Variants in BMS1 observed in about 807,000 individuals in gnomAD.
BMS1 encodes BMS1 ribosome biogenesis factor, also known as ribosome biogenesis protein BMS1 homolog.
A neutral mutation model predicts 138.7 loss-of-function variants in BMS1; 53 were observed. That is an observed-to-expected ratio of 0.38 (90% CI 0.31 to 0.48). The LOEUF (loss-of-function observed/expected upper bound fraction) is 0.48. Among genes scored for constraint, BMS1 ranks in the 20% least tolerant of loss-of-function variants. The pLI is 0.97. For missense variants in BMS1, 1,360 were observed against 1,565.5 expected (o/e 0.87, Z 2.22); for synonymous variants, 504 against 539.9 (o/e 0.93, Z 0.92).
chr10:42,799,241 C>G (rs1034044187), intron 12 of BMS1, among the ~76,000 whole-genome samples: 2 of 152,166 alleles, frequency 1.3e-5, no homozygotes, highest in African/African-American at 2.4e-5. Flanking sequence ...TCCAGAGTAG[C>G]TGGGACTATA....
At chr10:42,826,141 T>G (rs1842632508) in intron 21 of BMS1, among the ~76,000 whole-genome samples, 1 of 152,166 alleles carries the variant, frequency 6.6e-6, no homozygotes, top group Admixed American at 6.5e-5. Context: ...GTATAAAGTT[T>G]TTGATGTGTT....
intron 13 of BMS1, among the ~76,000 whole-genome samples, chr10:42,814,192 C>T (rs1274477416): frequency 6.6e-6 from 1 of 152,232 alleles, no homozygotes; most frequent in Non-Finnish European, 1.5e-5. Context: ...GCTTTTGCAG[C>T]TCTGGTCTCC....
At chr10:42,797,575 A>G in intron 11 of BMS1, 52 bp downstream of exon 11, 3 of 1,550,528 alleles carry the variant, frequency 1.9e-6, no homozygotes, top group South Asian at 1.1e-5. Context: ...CTGATTATTT[A>G]GATGAGGGAA....
At chr10:42,828,551 C>T (rs1448531416) in intron 21 of BMS1, among the ~76,000 whole-genome samples, 3 of 151,764 alleles carry the variant, frequency 2.0e-5, no homozygotes, top group African/African-American at 7.3e-5. Context: ...TGGCCTCCAC[C>T]ACCAGCAGCA....
Position 42,830,943 on chromosome 10 carries a change from C to T in BMS1, c.3696C>T (p.His1232=). 6.2e-7 allele frequency: 1 copy of T among 1,611,192 alleles called. No homozygotes were observed. The highest frequency in any genetic ancestry group is 8.5e-7 in the Non-Finnish European group (1 of 1,178,764). The change falls in exon 23 of 23, where the codon CAC becomes CAT. Residue 1232 remains histidine (H), a synonymous_variant. Coordinates refer to ENST00000374518, the MANE Select transcript of BMS1 (RefSeq NM_014753.4). ...AGGCCAAGGAGCAGCGGCACCTGCA[C>T]AATAAAGAGCACTTCAGAGCCAAGC... is the stretch of plus-strand genomic sequence containing the variant. The part of the protein sequence containing the change: ...MKKAKEQRHL[H]NKEHFRAKQK...
In BMS1 at chr10:42,797,531, A is replaced by T. The variant is rs1339179155; in HGVS notation, c.2089+8A>T. 1.2e-6 allele frequency: 2 copies of T among 1,612,790 alleles called. No homozygotes were observed. Among genetic ancestry groups the T allele is most frequent in the Non-Finnish European group, 1.7e-6 (2 of 1,178,804 alleles). On this transcript the variant is annotated splice_region_variant and intron_variant, in intron 11 of 22. Transcript: ENST00000374518. The stretch of plus-strand genomic sequence containing the variant: ...AGCTTATTTATGGGACAGGTAAAGA[A>T]TTCTGGTTCAGAACTAGAAATGTTT...
intron 20 of BMS1, 124 bp downstream of exon 20, chr10:42,823,389 G>C (rs1346513110): frequency 1.5e-6 from 2 of 1,321,996 alleles, no homozygotes; most frequent in Non-Finnish European, 2.0e-6. Flanking sequence ...AGATCTCCCA[G>C]TCTTATGGGT....
intron 3 of BMS1, 116 bp downstream of exon 3, chr10:42,785,788 T>A: frequency 2.6e-6 from 3 of 1,161,934 alleles, no homozygotes; most frequent in Non-Finnish European, 3.7e-6. Context: ...TCATGGGACT[T>A]CTCTTATACT....
intron 13 of BMS1, among the ~76,000 whole-genome samples, chr10:42,805,893 AGGTT>A (rs1469323822): frequency 6.6e-6 from 1 of 152,046 alleles, no homozygotes; most frequent in Non-Finnish European, 1.5e-5. Flanking sequence ...TCTGCCTTCC[AGGTT>A]CAAGCAATTC....
intron 14 of BMS1, among the ~76,000 whole-genome samples, chr10:42,817,110 C>T (rs1842371540): frequency 6.6e-6 from 1 of 152,258 alleles, no homozygotes; most frequent in Middle Eastern, 3.4e-3. Context: ...TAAGGATTAG[C>T]AGCTAATTGT....
chr10:42,831,094 T>C lies in BMS1; in HGVS notation c.3847T>C (p.Ter1283ArgextTer14), dbSNP rs777347562. 4.3e-5 allele frequency: 67 copies of C among 1,559,620 alleles called. No individual in the cohort carries two copies. Among genetic ancestry groups the C allele is most frequent in the South Asian group, 1.1e-4 (9 of 84,700 alleles). ...SLKGAEGQLQ* is the reference protein window; with the variant it reads ...SLKGAEGQLQR ...GAAGGGGGCTGAGGGCCAATTGCAG[T>C]GAGCCTTTGGACTGGAGGGACTGTC... is the stretch of plus-strand genomic sequence containing the variant. Residue 1283 changes from the stop codon to arginine, a stop_lost, in exon 23 of 23, where the codon TGA becomes CGA. Transcript: ENST00000374518.
Position 42,792,669 on chromosome 10 carries a change from T to C in BMS1, c.901+55T>C. ...TTACACATAGGATTCTTGGGATGGC[T>C]TCATTTCTCAGGAAAACTGAAAAAT... is the stretch of plus-strand genomic sequence containing the variant. On this transcript the variant is annotated intron_variant, in intron 7 of 22. Coordinates refer to ENST00000374518, the MANE Select transcript of BMS1 (RefSeq NM_014753.4). The C allele has an allele frequency of 1.9e-6, 3 of 1,559,736 alleles. No homozygotes were observed. In the South Asian group the frequency reaches 3.6e-5, roughly 19 times the overall value.
Position 42,797,293 on chromosome 10 carries a change from A to G in BMS1, c.1987+62A>G. The G allele has an allele frequency of 8.9e-6, 14 of 1,577,744 alleles. 1 individual carries two copies. The South Asian group carries it at 1.6e-4, about 18-fold the overall frequency. On this transcript the variant is annotated intron_variant, in intron 10 of 22. Coordinates refer to ENST00000374518, the MANE Select transcript of BMS1 (RefSeq NM_014753.4). ...GGCTCTCGAAATGGTAACCAAAGGA[A>G]TGTCTACATTTAGGGGTCTGTTGAT...
At chr10:42,789,280 A>G (rs1841431984) in intron 4 of BMS1, among the ~76,000 whole-genome samples, 1 of 152,206 alleles carries the variant, frequency 6.6e-6, no homozygotes, top group South Asian at 2.1e-4. Flanking sequence ...AGTGTTGCTG[A>G]AAAGCTGTGC....
intron 13 of BMS1, among the ~76,000 whole-genome samples, chr10:42,810,897 G>A (rs572979621): frequency 9.9e-5 from 15 of 152,136 alleles, no homozygotes; most frequent in Admixed American, 2.0e-4. Context: ...TATTCGTGAT[G>A]TTGTTGGTTT....
intron 13 of BMS1, among the ~76,000 whole-genome samples, chr10:42,807,034 T>C (rs958759366): frequency 5.3e-5 from 8 of 152,246 alleles, no homozygotes; most frequent in Middle Eastern, 3.4e-3. Flanking sequence ...CAGTTTCACT[T>C]ATGTGTGTGT....
chr10:42,789,463 A>G (rs1841436660), intron 4 of BMS1, among the ~76,000 whole-genome samples: 1 of 152,268 alleles, frequency 6.6e-6, no homozygotes, highest in Middle Eastern at 3.4e-3. Context: ...AATGTTTTTA[A>G]TACTTAAACT....
rs146665809 is a variant in BMS1, at chr10:42,784,702, T to C, written c.176+132T>C. 54 of 1,082,454 alleles carry C rather than the reference T, an allele frequency of 5.0e-5. No individual in the cohort carries two copies. The African/African-American group carries it at 8.5e-4, about 17-fold the overall frequency. The allele number at this position is 1,082,454 out of a possible 1,614,324, so 67.1% of individuals were successfully genotyped here. A position where few individuals can be genotyped will look rare whatever the true frequency, so the allele number is the denominator to read the frequency against. ...GACATGGAGATTCATGGTGTGTGGC[T>C]TTCACTAAAACGTGAGAAGCTTTTC... is the stretch of plus-strand genomic sequence containing the variant. On this transcript the variant is annotated intron_variant, in intron 2 of 22. Transcript: ENST00000374518.
intron 2 of BMS1, 33 bp downstream of exon 2, chr10:42,784,603 T>G (rs1406967000): frequency 1.4e-6 from 2 of 1,417,646 alleles, no homozygotes; most frequent in Non-Finnish European, 1.8e-6. Flanking sequence ...CATTCTTCCA[T>G]TGATTCTTTT....
Sources: allele counts gnomAD v4.1 joint callset (sites outside exome capture counted in the v4.1 genomes callset), GRCh38; gene constraint gnomAD v4.1.1; transcripts MANE v1.5; gene names NCBI Gene and HGNC (gene_info 2026-07-23, HGNC 2026-07-21).